The following ACSS3 variants were observed in gnomAD, a reference collection of about 807,000 sequenced individuals.
ACSS3 encodes acyl-CoA synthetase short-chain family member 3, mitochondrial.
ACSS3 carries 64 observed loss-of-function variants against 84.2 expected under a neutral mutation model. The ratio of observed to expected loss-of-function variants is 0.76; its 90% confidence interval spans 0.62 to 0.94. The LOEUF is 0.94. Among genes scored for constraint, ACSS3 ranks in the 40% least tolerant of loss-of-function variants. ACSS3 has a pLI of 0.00. For synonymous variants in ACSS3, 317 were observed against 310.1 expected, an observed-to-expected ratio of 1.02 and a Z score of -0.23; for missense variants, 815 against 867.6, an observed-to-expected ratio of 0.94 and a Z score of 0.76.
chr12:81,091,146 G>C (rs747833913), intron 1 of ACSS3, among the ~76,000 whole-genome samples: 39 of 151,928 alleles, frequency 2.6e-4, no homozygotes, highest in Non-Finnish European at 5.6e-4. Context: ...AGGGCTGACT[G>C]TTCCTATATG....
intron 9 of ACSS3, among the ~76,000 whole-genome samples, chr12:81,201,628 C>T (rs2032114245): frequency 6.6e-6 from 1 of 152,178 alleles, no homozygotes; most frequent in South Asian, 2.1e-4. Flanking sequence ...TTAATAGCTA[C>T]ATTGTGTCAG....
intron 11 of ACSS3, among the ~76,000 whole-genome samples, chr12:81,228,317 G>A (rs2033339033): frequency 6.6e-6 from 1 of 151,744 alleles, no homozygotes; most frequent in African/African-American, 2.4e-5. Flanking sequence ...AATCCCCAGG[G>A]TCTACAGGTA....
At position 81,257,664 on chromosome 12, in the gene ACSS3, A is replaced by C. The variant is rs1393593568; in HGVS notation, c.*2742A>C. ...AATGAGACCTATCCTACATTTAAAAACCAGTTTTGTTTATATAAAATTGTA... is the reference window on the plus strand; with the variant it reads ...AATGAGACCTATCCTACATTTAAAACCCAGTTTTGTTTATATAAAATTGTA... On this transcript the variant is annotated 3_prime_UTR_variant, in exon 16 of 16. Transcript: ENST00000548058. The C allele has an allele frequency of 6.6e-6, 1 of 152,136 alleles. No homozygotes were observed. Among genetic ancestry groups the C allele is most frequent in the African/African-American group, 2.4e-5 (1 of 41,460 alleles). The allele number at this position is 152,136 out of a possible 1,614,324, so 9.4% of individuals were successfully genotyped here.
At position 81,259,369 on chromosome 12, in the gene ACSS3, G is replaced by C. The variant is rs896018190; in HGVS notation, c.*4447G>C. 1.7e-6 allele frequency: 1 copy of C among 597,976 alleles called. No individual in the cohort carries two copies. Among genetic ancestry groups the C allele is most frequent in the Non-Finnish European group, 3.1e-6 (1 of 325,206 alleles). 37.0% of individuals were successfully genotyped at this position (597,976 alleles called of 1,614,324 possible). A position where few individuals can be genotyped will look rare whatever the true frequency, so the allele number is the denominator to read the frequency against. ...ATGCACGGTAATACATAAATGCCTA[G>C]TATATTACAATAAAACATGAAAAAC... On this transcript the variant is annotated 3_prime_UTR_variant, in exon 16 of 16. Coordinates refer to ENST00000548058, the MANE Select transcript of ACSS3 (RefSeq NM_024560.4).
At chr12:81,141,937 G>A (rs370788290) in intron 4 of ACSS3, among the ~76,000 whole-genome samples, 28 of 152,260 alleles carry the variant, frequency 1.8e-4, no homozygotes, top group African/African-American at 6.7e-4. Flanking sequence ...CTATAAATGT[G>A]TTAGCTATAA....
chr12:81,218,157 G>A (rs2032989240), intron 10 of ACSS3, among the ~76,000 whole-genome samples: 2 of 152,128 alleles, frequency 1.3e-5, no homozygotes, highest in African/African-American at 2.4e-5. Flanking sequence ...GTGCCTACCA[G>A]TAGAAAGGCA....
chr12:81,232,439 T>C (rs201324481), intron 12 of ACSS3, among the ~76,000 whole-genome samples: 1 of 151,698 alleles, frequency 6.6e-6, no homozygotes, highest in East Asian at 1.9e-4. Flanking sequence ...AAGTGAGAAG[T>C]GATGGAACTG....
At chr12:81,087,639 T>A (rs754184010) in intron 1 of ACSS3, among the ~76,000 whole-genome samples, 9 of 152,144 alleles carry the variant, frequency 5.9e-5, no homozygotes, top group Admixed American at 2.6e-4. Context: ...CTAATCTCAC[T>A]TTGCATTCTC....
intron 13 of ACSS3, among the ~76,000 whole-genome samples, chr12:81,245,196 TCA>T (rs1438426126): frequency 6.6e-6 from 1 of 152,166 alleles, no homozygotes; most frequent in Non-Finnish European, 1.5e-5. Flanking sequence ...GCGCGGTGGC[TCA>T]CGCCTGTAAT....
chr12:81,193,681 A>C (rs1330655526), intron 8 of ACSS3, among the ~76,000 whole-genome samples: 1 of 152,058 alleles, frequency 6.6e-6, no homozygotes, highest in Admixed American at 6.6e-5. Flanking sequence ...ATAGTCAATA[A>C]TAATCTATGA....
intron 1 of ACSS3, among the ~76,000 whole-genome samples, chr12:81,096,429 T>C (rs537937900): frequency 2.3e-4 from 35 of 152,184 alleles, no homozygotes; most frequent in Non-Finnish European, 4.3e-4. Context: ...CAAAAAAACA[T>C]GGATACTTAA....
At chr12:81,116,011 T>C (rs1884012021) in intron 2 of ACSS3, among the ~76,000 whole-genome samples, 2 of 152,150 alleles carry the variant, frequency 1.3e-5, no homozygotes, top group African/African-American at 2.4e-5. Flanking sequence ...TGTTAAAATG[T>C]TCTAGTCACA....
At chr12:81,111,825 T>C (rs1883619949) in intron 2 of ACSS3, among the ~76,000 whole-genome samples, 1 of 152,156 alleles carries the variant, frequency 6.6e-6, no homozygotes, top group Non-Finnish European at 1.5e-5. Context: ...GATTTAATAG[T>C]AGGAACTGGG....
intron 9 of ACSS3, among the ~76,000 whole-genome samples, chr12:81,204,784 A>G (rs577545850): frequency 1.3e-5 from 2 of 152,306 alleles, no homozygotes; most frequent in South Asian, 4.1e-4. Context: ...GGTACTGATG[A>G]CATAGTTGAA....
At chr12:81,085,310 T>C (rs1338616435) in intron 1 of ACSS3, among the ~76,000 whole-genome samples, 2 of 152,204 alleles carry the variant, frequency 1.3e-5, no homozygotes, top group Non-Finnish European at 2.9e-5. Context: ...ACAGTGATTC[T>C]AGTGAGCTAA....
At chr12:81,130,499 T>G (rs921345367) in intron 2 of ACSS3, among the ~76,000 whole-genome samples, 4 of 152,234 alleles carry the variant, frequency 2.6e-5, no homozygotes, top group Non-Finnish European at 5.9e-5. Flanking sequence ...GTAAATTTGT[T>G]TAAGTTCTTT....
intron 11 of ACSS3, among the ~76,000 whole-genome samples, chr12:81,229,127 T>G (rs1278467169): frequency 6.6e-6 from 1 of 151,782 alleles, no homozygotes; most frequent in African/African-American, 2.4e-5. Flanking sequence ...TACCTCTTCT[T>G]TTTCTTTAGT....
At chr12:81,170,918 A>T (rs2029987896) in intron 7 of ACSS3, among the ~76,000 whole-genome samples, 1 of 152,100 alleles carries the variant, frequency 6.6e-6, no homozygotes, top group Non-Finnish European at 1.5e-5. Context: ...AAAATAAATA[A>T]GCCATTGAGC....
At chr12:81,144,054 A>G (rs1886211894) in intron 5 of ACSS3, among the ~76,000 whole-genome samples, 1 of 152,216 alleles carries the variant, frequency 6.6e-6, no homozygotes, top group African/African-American at 2.4e-5. Flanking sequence ...CTCTTCCTTG[A>G]GGACAGTGGC....
Sources: gnomAD v4.1 joint callset for allele counts (sites outside exome capture counted in the v4.1 genomes callset) on GRCh38, gnomAD v4.1.1 for gene constraint, MANE v1.5 for transcripts, NCBI Gene and HGNC (gene_info 2026-07-23, HGNC 2026-07-21) for gene names.